MEIKIN: variants seen among roughly 807,000 people sequenced by gnomAD.
MEIKIN encodes the protein meiosis-specific kinetochore protein.
intron 11 of MEIKIN, among the ~76,000 whole-genome samples, chr5:131,836,007 C>T (rs1749800095): frequency 1.3e-5 from 2 of 152,114 alleles, no homozygotes; most frequent in Non-Finnish European, 1.5e-5. Flanking sequence ...AGGTATTAGG[C>T]CTAGTACCCA....
At chr5:131,884,710 G>A (rs1288391003) in intron 8 of MEIKIN, among the ~76,000 whole-genome samples, 2 of 152,078 alleles carry the variant, frequency 1.3e-5, no homozygotes, top group Non-Finnish European at 2.9e-5. Flanking sequence ...CAGAAGGGTA[G>A]AGCACCAAGC....
chr5:131,924,737 TTTATCAGATATATGA>T (rs1207555109), intron 5 of MEIKIN, among the ~76,000 whole-genome samples: 2 of 152,204 alleles, frequency 1.3e-5, no homozygotes, highest in Admixed American at 6.5e-5. Context: ...TATTTACTCC[TTTATCAGATATATGA>T]TTTATACATA....
At chr5:131,907,742 T>C (rs1490932369) in intron 8 of MEIKIN, among the ~76,000 whole-genome samples, 3 of 151,478 alleles carry the variant, frequency 2.0e-5, no homozygotes, top group Non-Finnish European at 4.4e-5. Flanking sequence ...CGTGGTGGCA[T>C]GCGCCTGTAA....
At chr5:131,896,862 G>A (rs1366080827) in intron 8 of MEIKIN, among the ~76,000 whole-genome samples, 6 of 152,058 alleles carry the variant, frequency 3.9e-5, no homozygotes, top group African/African-American at 1.2e-4. Flanking sequence ...CTTTTAATTG[G>A]GGCATTTAGC....
At chr5:131,940,593 T>G (rs1338042062) in intron 4 of MEIKIN, among the ~76,000 whole-genome samples, 1 of 152,204 alleles carries the variant, frequency 6.6e-6, no homozygotes, top group Non-Finnish European at 1.5e-5. Flanking sequence ...GGTTGCTTTA[T>G]TTGTGTCTCT....
intron 4 of MEIKIN, among the ~76,000 whole-genome samples, chr5:131,938,038 TATA>T (rs760798118): frequency 6.6e-5 from 10 of 152,112 alleles, no homozygotes; most frequent in South Asian, 4.1e-4. Context: ...CTGTTTACTC[TATA>T]ATGTCTGAAC....
chr5:131,839,466 A>C (rs1749866517), intron 11 of MEIKIN, among the ~76,000 whole-genome samples: 1 of 152,082 alleles, frequency 6.6e-6, no homozygotes, highest in African/African-American at 2.4e-5. Flanking sequence ...GAAGTCTCTG[A>C]CTATTATTGT....
At chr5:131,940,247 GAGGA>G (rs1751847098) in intron 4 of MEIKIN, among the ~76,000 whole-genome samples, 3 of 152,186 alleles carry the variant, frequency 2.0e-5, no homozygotes, top group Non-Finnish European at 2.9e-5. Flanking sequence ...AAAGAAGGGA[GAGGA>G]AGAAGGAGAG....
At chr5:131,896,624 A>G (rs1274858672) in intron 8 of MEIKIN, among the ~76,000 whole-genome samples, 1 of 152,080 alleles carries the variant, frequency 6.6e-6, no homozygotes, top group East Asian at 1.9e-4. Context: ...TGATCCCTTT[A>G]CCATTATGTA....
chr5:131,926,385 G>A (rs78754321), intron 5 of MEIKIN, among the ~76,000 whole-genome samples: 3,035 of 152,194 alleles, frequency 0.02, 76 homozygotes, highest in African/African-American at 0.064. Flanking sequence ...AGAGATAAAC[G>A]CCACCTGGTC....
chr5:131,824,868 G>A (rs1749584581), intron 11 of MEIKIN, among the ~76,000 whole-genome samples: 1 of 151,982 alleles, frequency 6.6e-6, no homozygotes, highest in South Asian at 2.1e-4. Context: ...AGAAAAATTA[G>A]AATATACAAA....
At chr5:131,933,717 T>G (rs1430905337) in intron 4 of MEIKIN, 76 bp from the exon 5 acceptor site, 4 of 393,918 alleles carry the variant, frequency 1.0e-5, no homozygotes, top group African/African-American at 8.2e-5. Context: ...TTGAAATGTA[T>G]GGAAATGTAC....
chr5:131,885,364 AGAGAGAGAGAGAGAGAGAGAG>A (rs1561743961), intron 8 of MEIKIN, among the ~76,000 whole-genome samples: 58 of 63,060 alleles, frequency 9.2e-4, no homozygotes, highest in African/African-American at 2.7e-3. Context: ...AGAGAGAGAG[AGAGAGAGAGAGAGAGAGAGAG>A]AGAGAGAGAG....
chr5:131,834,866 AC>A (rs1159980078), intron 11 of MEIKIN, among the ~76,000 whole-genome samples: 2 of 152,064 alleles, frequency 1.3e-5, no homozygotes, highest in African/African-American at 2.4e-5. Flanking sequence ...TTTTTGAGGA[AC>A]CCCCATCCTT....
At chr5:131,823,896 C>T (rs1749563828) in intron 11 of MEIKIN, among the ~76,000 whole-genome samples, 1 of 152,170 alleles carries the variant, frequency 6.6e-6, no homozygotes, top group African/African-American at 2.4e-5. Context: ...TCTTTGCAGA[C>T]TTGTAGCAGT....
At chr5:131,871,151 T>A (rs866684068) in intron 9 of MEIKIN, among the ~76,000 whole-genome samples, 24 of 152,220 alleles carry the variant, frequency 1.6e-4, no homozygotes, top group African/African-American at 4.8e-4. Flanking sequence ...AGATAGTGGG[T>A]GCCGGACAGT....
At chr5:131,873,192 A>T (rs1391934436) in intron 9 of MEIKIN, among the ~76,000 whole-genome samples, 2 of 152,234 alleles carry the variant, frequency 1.3e-5, no homozygotes. Flanking sequence ...CAATTAAAAG[A>T]CACAGACTGA....
intron 5 of MEIKIN, among the ~76,000 whole-genome samples, chr5:131,924,673 T>G (rs188441722): frequency 8.5e-4 from 128 of 149,840 alleles, no homozygotes; most frequent in African/African-American, 3.2e-3. Context: ...AATCAGGTTG[T>G]TTTTTTTGCT....
At chr5:131,903,650 A>G (rs1751195127) in intron 8 of MEIKIN, among the ~76,000 whole-genome samples, 1 of 152,240 alleles carries the variant, frequency 6.6e-6, no homozygotes, top group Non-Finnish European at 1.5e-5. Context: ...TAAATATGGA[A>G]AAGAAAGACC....
Sources: gnomAD v4.1 joint callset for allele counts (sites outside exome capture counted in the v4.1 genomes callset) on GRCh38, gnomAD v4.1.1 for gene constraint, MANE v1.5 for transcripts, NCBI Gene and HGNC (gene_info 2026-07-23, HGNC 2026-07-21) for gene names.